Variants in MYO16 observed in about 807,000 individuals in gnomAD.
MYO16 encodes the protein myosin XVI, also known as unconventional myosin-XVI.
Under a neutral mutation model 205.3 loss-of-function variants are expected in MYO16, and 94 were observed. The ratio of observed to expected loss-of-function variants is 0.46; its 90% confidence interval spans 0.39 to 0.54. MYO16 has a LOEUF of 0.54. MYO16 is among the 20% of genes least tolerant of loss of function. The probability of loss-of-function intolerance (pLI) is 0.00; values close to 1 mark genes in which losing one functional copy is unlikely to be tolerated. For synonymous variants in MYO16, 988 were observed against 954.0 expected, an observed-to-expected ratio of 1.04 and a Z score of -0.66; for missense variants, 2,315 against 2,387.5, an observed-to-expected ratio of 0.97 and a Z score of 0.63.
chr13:108,825,545 G>A (rs1057184135), intron 9 of MYO16, among the ~76,000 whole-genome samples: 1 of 151,660 alleles, frequency 6.6e-6, no homozygotes, highest in African/African-American at 2.4e-5. Flanking sequence ...GTTCAACATT[G>A]TATTGCGGTT....
chr13:108,587,880 T>C, the MYO16 span, among the ~76,000 whole-genome samples: 116 of 148,630 alleles, frequency 7.8e-4, no homozygotes, highest in Non-Finnish European at 1.5e-3. Flanking sequence ...GGGTCATAAG[T>C]TACCTTCTCA....
chr13:108,718,840 T>G (rs1884050548), intron 3 of MYO16, among the ~76,000 whole-genome samples: 1 of 152,154 alleles, frequency 6.6e-6, no homozygotes, highest in Non-Finnish European at 1.5e-5. Context: ...GATATCCAGC[T>G]GAATCTTGGA....
chr13:108,695,387 T>G (rs918861569), intron 2 of MYO16, among the ~76,000 whole-genome samples: 2 of 152,188 alleles, frequency 1.3e-5, no homozygotes, highest in African/African-American at 4.8e-5. Flanking sequence ...GGTCTATAGG[T>G]TTATTCTATT....
chr13:108,755,553 C>CAAA (rs200190650), intron 4 of MYO16, among the ~76,000 whole-genome samples: 4,984 of 136,688 alleles, frequency 0.036, 269 homozygotes, highest in African/African-American at 0.12. Flanking sequence ...CTTCAAATTG[C>CAAA]AAAAAAAAAA....
At chr13:109,071,336 T>A (rs1887920146) in intron 27 of MYO16, among the ~76,000 whole-genome samples, 2 of 152,170 alleles carry the variant, frequency 1.3e-5, no homozygotes, top group African/African-American at 4.8e-5. Flanking sequence ...TTTTATATAT[T>A]CAAAACAATG....
At chr13:108,875,721 G>C (rs1879291062) in intron 12 of MYO16, among the ~76,000 whole-genome samples, 1 of 151,918 alleles carries the variant, frequency 6.6e-6, no homozygotes, top group Non-Finnish European at 1.5e-5. Context: ...CTGTGGCCTA[G>C]GGTTTTTAAA....
intron 21 of MYO16, among the ~76,000 whole-genome samples, chr13:108,997,793 G>A (rs61970162): frequency 0.045 from 6,779 of 152,160 alleles, 213 homozygotes; most frequent in Non-Finnish European, 0.067. Flanking sequence ...AGCGGAGATC[G>A]CACCACCGTA....
Position 108,658,478 on chromosome 13 carries a change from A to G in MYO16, c.29-7408A>G, listed in dbSNP as rs183063085. ...TGTGTGTTTTCTAAATTCATGTGCC[A>G]GATACTTCGCTTATTGACTTTAAAA... On this transcript the variant is annotated intron_variant, in intron 1 of 34. Transcript: ENST00000457511. 2.0e-5 allele frequency among the ~76,000 whole-genome samples: 3 copies of G among 149,528 alleles called. No homozygotes were observed. In the East Asian group the frequency reaches 5.9e-4, roughly 29 times the overall value.
intron 32 of MYO16, among the ~76,000 whole-genome samples, chr13:109,160,043 A>G (rs1350637056): frequency 6.6e-6 from 1 of 152,216 alleles, no homozygotes; most frequent in African/African-American, 2.4e-5. Flanking sequence ...GCTGGATACT[A>G]TAATTCTAGG....
chr13:109,174,015 A>T (rs1248014118), intron 33 of MYO16, among the ~76,000 whole-genome samples: 2 of 151,450 alleles, frequency 1.3e-5, no homozygotes, highest in Non-Finnish European at 2.9e-5. Flanking sequence ...GAACAATAGA[A>T]TTGGAAACTG....
chr13:109,013,331 G>A (rs1416604542), intron 22 of MYO16, among the ~76,000 whole-genome samples: 1 of 152,010 alleles, frequency 6.6e-6, no homozygotes, highest in East Asian at 1.9e-4. Flanking sequence ...ATTCCATGGT[G>A]TATATGTGCC....
chr13:108,866,250 C>A lies in MYO16; in HGVS notation c.1425+8C>A, dbSNP rs1878710570. On this transcript the variant is annotated splice_region_variant and intron_variant, in intron 12 of 34. Coordinates refer to ENST00000457511, the MANE Select transcript of MYO16 (RefSeq NM_001198950.3). ...CCAATTTATTCTTCCATGGTGAGCA[C>A]AAAATTTTAAATATCATTGAATAAT... 1 of 1,550,290 alleles carries A rather than the reference C, an allele frequency of 6.5e-7. No individual in the cohort carries two copies. Among genetic ancestry groups the A allele is most frequent in the Non-Finnish European group, 8.9e-7 (1 of 1,128,490 alleles).
chr13:108,552,103 AG>A, the MYO16 span, among the ~76,000 whole-genome samples: 6 of 152,150 alleles, frequency 3.9e-5, no homozygotes, highest in Admixed American at 6.5e-5. Flanking sequence ...GGTTTGAGGG[AG>A]GGGTCCATGG....
chr13:108,772,133 G>T (rs376101441), intron 4 of MYO16, among the ~76,000 whole-genome samples: 4 of 152,162 alleles, frequency 2.6e-5, no homozygotes, highest in Non-Finnish European at 5.9e-5. Context: ...GGGATTGCTT[G>T]AGCCCACAAA....
chr13:109,125,032 G>T lies in MYO16; in HGVS notation c.3536-80G>T. 1 of 1,435,870 alleles carries T rather than the reference G, an allele frequency of 7.0e-7. No individual in the cohort carries two copies. Among genetic ancestry groups the T allele is most frequent in the Non-Finnish European group, 9.6e-7 (1 of 1,042,476 alleles). 88.9% of individuals were successfully genotyped at this position (1,435,870 alleles called of 1,614,324 possible). A position where few individuals can be genotyped will look rare whatever the true frequency, so the allele number is the denominator to read the frequency against. On this transcript the variant is annotated intron_variant, in intron 29 of 34. Coordinates refer to ENST00000457511, the MANE Select transcript of MYO16 (RefSeq NM_001198950.3). This position sits in a 1 kb window ranked among gnomAD's most constrained non-coding sequence, Gnocchi z 4.0. ...TTATTCTACAACTGCTCAGAGATAA[G>T]TATATTATGATTTTTGTTTGTGCAT... is the stretch of plus-strand genomic sequence containing the variant.
At chr13:108,978,537 T>C (rs1318639833) in intron 20 of MYO16, among the ~76,000 whole-genome samples, 1 of 152,044 alleles carries the variant, frequency 6.6e-6, no homozygotes, top group African/African-American at 2.4e-5. Context: ...TGATGTTTAT[T>C]TTTTGATGTT....
At chr13:108,505,049 A>G in the MYO16 span, among the ~76,000 whole-genome samples, 3 of 152,052 alleles carry the variant, frequency 2.0e-5, no homozygotes, top group African/African-American at 7.3e-5. Context: ...TTCTTCATCC[A>G]CTTGTTTGTT....
intron 34 of MYO16, among the ~76,000 whole-genome samples, chr13:109,185,908 A>C (rs908071444): frequency 2.6e-5 from 4 of 152,172 alleles, no homozygotes; most frequent in Non-Finnish European, 4.4e-5. Context: ...CTTTCTACAG[A>C]TTATTCTGCA....
At chr13:108,988,594 T>G (rs1884717459) in intron 20 of MYO16, among the ~76,000 whole-genome samples, 1 of 152,212 alleles carries the variant, frequency 6.6e-6, no homozygotes, top group South Asian at 2.1e-4. Flanking sequence ...TTAATGATTT[T>G]GCCCACCCAC....
Sources: gnomAD v4.1 joint callset for allele counts (sites outside exome capture counted in the v4.1 genomes callset) on GRCh38, gnomAD v4.1.1 for gene constraint, Gnocchi (gnomAD v3.1) non-coding constraint, MANE v1.5 for transcripts, NCBI Gene and HGNC (gene_info 2026-07-23, HGNC 2026-07-21) for gene names.